Variants in PRKCH observed in about 807,000 individuals in gnomAD.
PRKCH encodes protein kinase C eta, also known as protein kinase C eta type.
A neutral mutation model predicts 82.5 loss-of-function variants in PRKCH; 28 were observed. The observed-to-expected ratio is 0.34, with a 90% CI of 0.25 to 0.47. PRKCH has a LOEUF of 0.47. Among genes scored for constraint, PRKCH ranks in the 20% least tolerant of loss-of-function variants. PRKCH has a pLI of 1.00. For synonymous variants in PRKCH, 322 were observed against 327.4 expected (o/e 0.98, Z 0.18); for missense variants, 705 against 881.8 (o/e 0.80, Z 2.54).
At chr14:61,258,267 A>G (rs563483394) in intron 1 of PRKCH, among the ~76,000 whole-genome samples, 3 of 152,242 alleles carry the variant, frequency 2.0e-5, no homozygotes, top group Admixed American at 6.5e-5. Context: ...GTTCAAAGAG[A>G]CTCTTAAGTG....
At chr14:61,406,132 A>G (rs1881934617) in intron 2 of PRKCH, among the ~76,000 whole-genome samples, 1 of 152,290 alleles carries the variant, frequency 6.6e-6, no homozygotes, top group African/African-American at 2.4e-5. Flanking sequence ...TGTGTCCTAA[A>G]TTATACCTAA....
intron 9 of PRKCH, among the ~76,000 whole-genome samples, chr14:61,482,042 C>G (rs1328053722): frequency 7.3e-6 from 1 of 137,142 alleles, no homozygotes; most frequent in African/African-American, 2.8e-5. Flanking sequence ...GTCTCCCAGG[C>G]TGGAGTGCAT....
intron 1 of PRKCH, chr14:61,304,424 T>A (rs1044517848): frequency 2.6e-5 from 4 of 152,232 alleles, no homozygotes; most frequent in African/African-American, 9.6e-5. Flanking sequence ...TCATTTTCCA[T>A]CACCACCGCC....
chr14:61,291,741 A>C (rs1325389612), intron 1 of PRKCH, among the ~76,000 whole-genome samples: 3 of 152,192 alleles, frequency 2.0e-5, no homozygotes, highest in Admixed American at 2.0e-4. Context: ...ACTGTATCTA[A>C]TCCTCAATGG....
intron 1 of PRKCH, among the ~76,000 whole-genome samples, chr14:61,223,977 C>G (rs541421583): frequency 1.3e-4 from 20 of 152,320 alleles, no homozygotes; most frequent in African/African-American, 4.8e-4. Context: ...TGCTCTCATT[C>G]AACATGTCCA....
At chr14:61,549,282 G>A (rs1327774443) in intron 13 of PRKCH, among the ~76,000 whole-genome samples, 5 of 152,226 alleles carry the variant, frequency 3.3e-5, no homozygotes, top group African/African-American at 1.2e-4. Flanking sequence ...CAAACAATAG[G>A]TAGGACAAGT....
Position 61,521,501 on chromosome 14 carries a change from G to A in PRKCH, c.1434-7574G>A, listed in dbSNP as rs898544766. 2.6e-5 allele frequency among the ~76,000 whole-genome samples: 4 copies of A among 151,990 alleles called. No homozygotes were observed. In the South Asian group the frequency reaches 8.3e-4, roughly 31 times the overall value. On this transcript the variant is annotated intron_variant, in intron 10 of 13. Transcript: ENST00000332981. ...ATAGCAGAGATTGAGAATTTAACCT[G>A]AAAATAATCCATTGGGTGATTCTGA...
chr14:61,412,248 T>G (rs1882303896), intron 2 of PRKCH, among the ~76,000 whole-genome samples: 1 of 152,144 alleles, frequency 6.6e-6, no homozygotes, highest in African/African-American at 2.4e-5. Context: ...ATGTTACAAT[T>G]AGCAGATAAG....
intron 10 of PRKCH, among the ~76,000 whole-genome samples, chr14:61,504,997 G>A (rs1887073300): frequency 6.6e-6 from 1 of 152,158 alleles, no homozygotes; most frequent in Non-Finnish European, 1.5e-5. Flanking sequence ...AGGCATTCTA[G>A]TGTAAGCACA....
intron 9 of PRKCH, among the ~76,000 whole-genome samples, chr14:61,473,486 A>G (rs952374588): frequency 1.4e-4 from 21 of 152,182 alleles, no homozygotes; most frequent in African/African-American, 4.8e-4. Flanking sequence ...ATGGGAGTGG[A>G]GTCAAGGAAA....
At chr14:61,353,129 T>C (rs2046104094) in intron 1 of PRKCH, among the ~76,000 whole-genome samples, 1 of 152,154 alleles carries the variant, frequency 6.6e-6, no homozygotes, top group South Asian at 2.1e-4. Context: ...TTTTGAATAT[T>C]GGGATTGTAG....
At chr14:61,474,587 A>G (rs1885647593) in intron 9 of PRKCH, among the ~76,000 whole-genome samples, 1 of 152,202 alleles carries the variant, frequency 6.6e-6, no homozygotes, top group Non-Finnish European at 1.5e-5. Flanking sequence ...GGATAGCATT[A>G]GGAGAAATAC....
chr14:61,457,121 G>A, intron 7 of PRKCH, 55 bp from the exon 8 acceptor site: 1 of 1,591,406 alleles, frequency 6.3e-7, no homozygotes, highest in Non-Finnish European at 8.6e-7. Flanking sequence ...CTTCGTGCAT[G>A]GGTGCTCCAT....
chr14:61,533,502 A>C (rs1471852177), intron 12 of PRKCH, among the ~76,000 whole-genome samples: 1 of 152,220 alleles, frequency 6.6e-6, no homozygotes, highest in Admixed American at 6.5e-5. Context: ...AGACACACTG[A>C]GGAGGGAAAG....
intron 10 of PRKCH, among the ~76,000 whole-genome samples, chr14:61,519,060 A>T (rs1036330112): frequency 3.3e-5 from 5 of 152,094 alleles, no homozygotes; most frequent in Admixed American, 1.3e-4. Flanking sequence ...AGGAGGGAGG[A>T]TCACTTGAGC....
chr14:61,504,849 T>G (rs1274131221), intron 10 of PRKCH, among the ~76,000 whole-genome samples: 1 of 152,200 alleles, frequency 6.6e-6, no homozygotes, highest in East Asian at 1.9e-4. Flanking sequence ...AATTTGTCTG[T>G]AACTTTATAG....
At chr14:61,352,086 A>G (rs2046083839) in intron 1 of PRKCH, among the ~76,000 whole-genome samples, 2 of 152,162 alleles carry the variant, frequency 1.3e-5, no homozygotes, top group African/African-American at 4.8e-5. Flanking sequence ...CCTGGGTTCT[A>G]GTCCCAGGTC....
rs780037836 is a variant in PRKCH at position 61,280,890 on chromosome 14, C to T, written c.-19+93222C>T. ...CGCACGAGCAGGGGGGCGGCAGCGC[C>T]CGGCCCTGGCCAGCCGCGGCGCACA... On this transcript the variant is annotated intron_variant, in intron 1 of 3. Coordinates refer to the PRKCH transcript ENST00000555185. This position sits in a 1 kb window ranked among gnomAD's most constrained non-coding sequence, Gnocchi z 5.0. The T allele has an allele frequency of 2.9e-5, 45 of 1,551,034 alleles. No homozygotes were observed. The Admixed American group carries it at 8.3e-4, about 29-fold the overall frequency.
chr14:61,239,767 AC>A (rs1363402099), intron 1 of PRKCH, among the ~76,000 whole-genome samples: 4 of 152,102 alleles, frequency 2.6e-5, no homozygotes, highest in Non-Finnish European at 4.4e-5. Flanking sequence ...CTTGGTAAAC[AC>A]AGGTCTTAGA....
Sources: allele counts gnomAD v4.1 joint callset (sites outside exome capture counted in the v4.1 genomes callset), GRCh38; gene constraint gnomAD v4.1.1; non-coding constraint Gnocchi (gnomAD v3.1); transcripts MANE v1.5; gene names NCBI Gene and HGNC (gene_info 2026-07-23, HGNC 2026-07-21).